Variants in DAB1 observed in about 807,000 individuals in gnomAD.
DAB1 encodes DAB adaptor protein 1.
DAB1 carries 15 observed loss-of-function variants against 64.6 expected under a neutral mutation model. The observed-to-expected ratio is 0.23, with a 90% confidence interval of 0.16 to 0.36. The LOEUF is 0.36. Ranked by LOEUF, DAB1 falls within the 10% of genes least tolerant of loss-of-function variation. The pLI is 1.00. For missense variants in DAB1, 596 were observed against 706.7 expected (o/e 0.84, Z 1.78); for synonymous variants, 235 against 251.9 (o/e 0.93, Z 0.64).
chr1:57,499,702 G>C (rs1188094411), intron 7 of DAB1, among the ~76,000 whole-genome samples: 1 of 152,306 alleles, frequency 6.6e-6, no homozygotes, highest in African/African-American at 2.4e-5. Flanking sequence ...TCTAACTTAA[G>C]GGCAATGTAT....
chr1:57,438,547 A>C (rs1685784467), intron 7 of DAB1, among the ~76,000 whole-genome samples: 1 of 152,174 alleles, frequency 6.6e-6, no homozygotes, highest in Non-Finnish European at 1.5e-5. Flanking sequence ...ACCATGAAGT[A>C]AGTGCCACTA....
intron 5 of DAB1, among the ~76,000 whole-genome samples, chr1:58,056,728 G>C (rs765583954): frequency 6.6e-6 from 1 of 152,074 alleles, no homozygotes; most frequent in African/African-American, 2.4e-5. Context: ...TTTGTCCTCC[G>C]GTTGAGGTAA....
intron 1 of DAB1, among the ~76,000 whole-genome samples, chr1:57,306,058 C>T (rs1558132507): frequency 6.6e-6 from 1 of 151,812 alleles, no homozygotes; most frequent in African/African-American, 2.4e-5. Flanking sequence ...GCAGTGTATA[C>T]ATTCCCCATG....
At chr1:57,061,945 A>T (rs1013541746) in intron 9 of DAB1, among the ~76,000 whole-genome samples, 6 of 152,284 alleles carry the variant, frequency 3.9e-5, no homozygotes, top group Non-Finnish European at 5.9e-5. Flanking sequence ...CACATTGTTG[A>T]GATGAATGAG....
intron 7 of DAB1, among the ~76,000 whole-genome samples, chr1:57,612,151 C>A (rs185751093): frequency 2.6e-5 from 4 of 151,930 alleles, no homozygotes; most frequent in African/African-American, 4.8e-5. Context: ...TTGCTCTCTG[C>A]CTTCATCCTA....
chr1:57,416,489 T>C (rs1014437499), intron 1 of DAB1, among the ~76,000 whole-genome samples: 1 of 152,146 alleles, frequency 6.6e-6, no homozygotes, highest in African/African-American at 2.4e-5. Context: ...TGGAAGTAGA[T>C]AGCTCTAGTG....
chr1:57,706,498 T>C (rs978199464), intron 6 of DAB1, among the ~76,000 whole-genome samples: 1 of 151,974 alleles, frequency 6.6e-6, no homozygotes, highest in Non-Finnish European at 1.5e-5. Context: ...TTGTATTTTT[T>C]TGTAGAGATG....
At chr1:57,310,713 T>C (rs998337577) in intron 1 of DAB1, among the ~76,000 whole-genome samples, 3 of 152,206 alleles carry the variant, frequency 2.0e-5, no homozygotes, top group African/African-American at 7.2e-5. Context: ...CCCATCACTG[T>C]AGTGAGATAG....
chr1:57,059,603 G>A (rs186863022), intron 9 of DAB1, among the ~76,000 whole-genome samples: 2 of 152,206 alleles, frequency 1.3e-5, no homozygotes, highest in Non-Finnish European at 2.9e-5. Flanking sequence ...GGTCTACTAG[G>A]GGAATCCTGG....
chr1:57,700,415 T>C (rs1646893651), intron 6 of DAB1, among the ~76,000 whole-genome samples: 1 of 152,194 alleles, frequency 6.6e-6, no homozygotes, highest in Non-Finnish European at 1.5e-5. Flanking sequence ...CTGGCTACTA[T>C]CTACTTCACC....
chr1:57,022,518 T>C (rs1002649895), intron 11 of DAB1, among the ~76,000 whole-genome samples: 1 of 152,250 alleles, frequency 6.6e-6, no homozygotes, highest in African/African-American at 2.4e-5. Context: ...AAGTTCATAA[T>C]GATCCCTTAG....
intron 3 of DAB1, among the ~76,000 whole-genome samples, chr1:58,372,387 C>G (rs773087343): frequency 1.3e-5 from 2 of 152,318 alleles, no homozygotes; most frequent in South Asian, 4.1e-4. Flanking sequence ...ACTTATCCAA[C>G]GTCTGTACCC....
At chr1:57,800,697 G>A (rs898611767) in intron 6 of DAB1, among the ~76,000 whole-genome samples, 3 of 152,108 alleles carry the variant, frequency 2.0e-5, no homozygotes, top group Non-Finnish European at 4.4e-5. Flanking sequence ...TTGCATTAAT[G>A]GCAACCTACA....
intron 4 of DAB1, among the ~76,000 whole-genome samples, chr1:58,233,153 T>G (rs1659858098): frequency 6.6e-6 from 1 of 152,248 alleles, no homozygotes; most frequent in East Asian, 1.9e-4. Context: ...GGGAGCATTT[T>G]CTTAATCACC....
chr1:57,731,241 T>C (rs1277536045), intron 6 of DAB1, among the ~76,000 whole-genome samples: 1 of 152,206 alleles, frequency 6.6e-6, no homozygotes, highest in Non-Finnish European at 1.5e-5. Flanking sequence ...ATTGCATGAT[T>C]CCACTTACAT....
intron 4 of DAB1, among the ~76,000 whole-genome samples, chr1:57,127,543 T>A (rs1296270853): frequency 6.6e-6 from 1 of 152,184 alleles, no homozygotes; most frequent in Non-Finnish European, 1.5e-5. Flanking sequence ...CTTTTTTGTC[T>A]CTCCACCTTA....
chr1:57,424,841 C>T (rs572766402), upstream of DAB1, among the ~76,000 whole-genome samples: 4 of 152,276 alleles, frequency 2.6e-5, no homozygotes, highest in Non-Finnish European at 2.9e-5. Context: ...GAGACCCGTG[C>T]CCCTGAGAGC....
At chr1:58,185,352 GTATTTTCCTGACA>G (rs747079548) in intron 4 of DAB1, among the ~76,000 whole-genome samples, 3 of 152,210 alleles carry the variant, frequency 2.0e-5, no homozygotes, top group African/African-American at 7.2e-5. Context: ...ACCCCCAGCA[GTATTTTCCTGACA>G]TATCTCTAGG....
chr1:58,223,095 G>T (rs1407860224), intron 4 of DAB1, among the ~76,000 whole-genome samples: 3 of 152,160 alleles, frequency 2.0e-5, no homozygotes, highest in Non-Finnish European at 2.9e-5. Context: ...TCCAAAGGTA[G>T]GCCATGTCTT....
Sources: allele counts gnomAD v4.1 joint callset (sites outside exome capture counted in the v4.1 genomes callset), GRCh38; gene constraint gnomAD v4.1.1; transcripts MANE v1.5; gene names NCBI Gene and HGNC (gene_info 2026-07-23, HGNC 2026-07-21).